The following AKAIN1 variants were observed in gnomAD, a reference collection of about 807,000 sequenced individuals.
AKAIN1 encodes the protein A-kinase anchor protein inhibitor 1.
In AKAIN1, 3 loss-of-function variants were observed where a neutral mutation model predicts 3.7. That is an observed-to-expected ratio of 0.82 (90% confidence interval 0.37 to 2.12). AKAIN1 has a LOEUF of 2.12. Ranked by LOEUF, AKAIN1 falls within the 30% of genes most tolerant of loss-of-function variation. AKAIN1 has a pLI of 0.06. For missense variants in AKAIN1, 82 were observed against 82.7 expected (o/e 0.99, Z 0.03); for synonymous variants, 31 against 30.8 (o/e 1.01, Z -0.02).
intron 1 of AKAIN1, among the ~76,000 whole-genome samples, chr18:5,164,646 C>G (rs1046980644): frequency 3.3e-5 from 5 of 151,942 alleles, no homozygotes; most frequent in African/African-American, 1.2e-4. Context: ...CAATGTATCC[C>G]CCTATGGTCA....
At chr18:5,146,498 G>A (rs1392792740) in intron 1 of AKAIN1, among the ~76,000 whole-genome samples, 1 of 152,206 alleles carries the variant, frequency 6.6e-6, no homozygotes, top group Non-Finnish European at 1.5e-5. Context: ...CATGCCTAGT[G>A]TATATAACCT....
chr18:5,189,391 C>T (rs969417800), intron 1 of AKAIN1, among the ~76,000 whole-genome samples: 1 of 152,154 alleles, frequency 6.6e-6, no homozygotes, highest in African/African-American at 2.4e-5. Flanking sequence ...CACTTTTTCA[C>T]TCTTTATATA....
intron 1 of AKAIN1, among the ~76,000 whole-genome samples, chr18:5,189,840 A>T (rs1167412126): frequency 6.6e-6 from 1 of 151,718 alleles, no homozygotes; most frequent in African/African-American, 2.4e-5. Flanking sequence ...GCTCCTCCAA[A>T]TTCTTCCAGC....
At chr18:5,178,745 T>C (rs2071240292) in intron 1 of AKAIN1, among the ~76,000 whole-genome samples, 1 of 152,084 alleles carries the variant, frequency 6.6e-6, no homozygotes, top group Admixed American at 6.6e-5. Context: ...GGAGAGCTTT[T>C]AAAAAATCCT....
intron 1 of AKAIN1, among the ~76,000 whole-genome samples, chr18:5,174,664 C>T (rs2143355488): frequency 6.6e-6 from 1 of 152,176 alleles, no homozygotes; most frequent in Admixed American, 6.5e-5. Context: ...TCGCTTAAAG[C>T]CTGGAGGTGA....
chr18:5,180,901 C>G (rs929094464), intron 1 of AKAIN1, among the ~76,000 whole-genome samples: 9 of 152,062 alleles, frequency 5.9e-5, no homozygotes, highest in African/African-American at 2.2e-4. Flanking sequence ...AAATGTCAAA[C>G]AGACTCATTA....
intron 1 of AKAIN1, among the ~76,000 whole-genome samples, chr18:5,161,800 T>C (rs2071140877): frequency 6.6e-6 from 1 of 152,158 alleles, no homozygotes; most frequent in East Asian, 1.9e-4. Context: ...TTTAATCTCA[T>C]TGAATTTATT....
At chr18:5,173,203 C>T (rs1308530878) in intron 1 of AKAIN1, among the ~76,000 whole-genome samples, 1 of 152,172 alleles carries the variant, frequency 6.6e-6, no homozygotes, top group East Asian at 1.9e-4. Context: ...TAGGGACTAA[C>T]TGGACACAAT....
At chr18:5,168,982 T>C (rs551529758) in intron 1 of AKAIN1, among the ~76,000 whole-genome samples, 1 of 151,722 alleles carries the variant, frequency 6.6e-6, no homozygotes, top group East Asian at 1.9e-4. Context: ...AATCAATACA[T>C]AGAGAAATAT....
intron 1 of AKAIN1, among the ~76,000 whole-genome samples, chr18:5,170,093 C>T (rs949050966): frequency 6.6e-6 from 1 of 152,108 alleles, no homozygotes; most frequent in Non-Finnish European, 1.5e-5. Flanking sequence ...TACTGCCTAT[C>T]GTGTGTGATG....
chr18:5,159,111 A>C (rs2071124672), intron 1 of AKAIN1, among the ~76,000 whole-genome samples: 1 of 152,022 alleles, frequency 6.6e-6, no homozygotes, highest in African/African-American at 2.4e-5. Flanking sequence ...GGTTAATCAG[A>C]AAGAGAGAAC....
intron 1 of AKAIN1, among the ~76,000 whole-genome samples, chr18:5,181,985 T>G (rs991330096): frequency 6.6e-6 from 1 of 152,134 alleles, no homozygotes; most frequent in Non-Finnish European, 1.5e-5. Context: ...TACTTACACG[T>G]TCATCCTCAT....
intron 1 of AKAIN1, among the ~76,000 whole-genome samples, chr18:5,177,260 C>T (rs1217489887): frequency 6.6e-6 from 1 of 152,026 alleles, no homozygotes; most frequent in Non-Finnish European, 1.5e-5. Context: ...ATTATTGCAA[C>T]CCTATATGAT....
intron 1 of AKAIN1, among the ~76,000 whole-genome samples, chr18:5,196,092 C>T (rs539126580): frequency 6.6e-6 from 1 of 152,326 alleles, no homozygotes; most frequent in South Asian, 2.1e-4. Context: ...CAAATACATG[C>T]CAATCTTTCA....
At chr18:5,165,442 A>G (rs1777113558) in intron 1 of AKAIN1, among the ~76,000 whole-genome samples, 2 of 151,976 alleles carry the variant, frequency 1.3e-5, no homozygotes, top group African/African-American at 4.8e-5. Context: ...TTGTAATTAT[A>G]ATATGAAATC....
At chr18:5,191,065 G>T (rs2071315564) in intron 1 of AKAIN1, among the ~76,000 whole-genome samples, 1 of 152,134 alleles carries the variant, frequency 6.6e-6, no homozygotes, top group African/African-American at 2.4e-5. Flanking sequence ...AAACAAAACT[G>T]CAGCTAATTT....
intron 1 of AKAIN1, among the ~76,000 whole-genome samples, chr18:5,194,900 C>T (rs2071339253): frequency 6.6e-6 from 1 of 152,054 alleles, no homozygotes; most frequent in African/African-American, 2.4e-5. Context: ...ATCTGGATTC[C>T]CAGATTATTA....
At chr18:5,192,385 T>TTTTCTTTCCTTC (rs2071323491) in intron 1 of AKAIN1, among the ~76,000 whole-genome samples, 1 of 106,990 alleles carries the variant, frequency 9.3e-6, no homozygotes, top group African/African-American at 3.6e-5. Flanking sequence ...ACAGAGCTAA[T>TTTTCTTTCCTTC]TTTCTTTCTT....
chr18:5,191,956 G>A (rs1322446482), intron 1 of AKAIN1, among the ~76,000 whole-genome samples: 1 of 151,972 alleles, frequency 6.6e-6, no homozygotes, highest in Non-Finnish European at 1.5e-5. Flanking sequence ...CATCTTATAC[G>A]CACAGAAGGT....
Sources: allele counts gnomAD v4.1 joint callset (sites outside exome capture counted in the v4.1 genomes callset), GRCh38; gene constraint gnomAD v4.1.1; transcripts MANE v1.5; gene names NCBI Gene and HGNC (gene_info 2026-07-23, HGNC 2026-07-21).